Variants in ISM1 observed in about 807,000 individuals in gnomAD.
The protein encoded by ISM1 is isthmin-1.
A neutral mutation model predicts 46.3 loss-of-function variants in ISM1; 25 were observed. The observed-to-expected ratio is 0.54, with a 90% CI of 0.39 to 0.75. ISM1 has a LOEUF of 0.75. ISM1 is among the 30% of genes least tolerant of loss of function. ISM1 has a pLI of 0.00. For missense variants in ISM1, 536 were observed against 625.4 expected (o/e 0.86, Z 1.52); for synonymous variants, 255 against 256.7 (o/e 0.99, Z 0.06).
At chr20:13,323,404 A>C in the ISM1 span, among the ~76,000 whole-genome samples, 3 of 152,202 alleles carry the variant, frequency 2.0e-5, no homozygotes, top group Admixed American at 2.0e-4. Flanking sequence ...TGGATGAAAG[A>C]CTATTGAACC....
chr20:13,256,430 T>G (rs1274852051), intron 1 of ISM1, among the ~76,000 whole-genome samples: 1 of 149,766 alleles, frequency 6.7e-6, no homozygotes, highest in Admixed American at 6.6e-5. Context: ...ATCCTCTAGA[T>G]TATGCTTTGT....
intron 1 of ISM1, among the ~76,000 whole-genome samples, chr20:13,263,853 G>A (rs2040015443): frequency 6.6e-6 from 1 of 152,198 alleles, no homozygotes; most frequent in South Asian, 2.1e-4. Context: ...AAGGAGAGAG[G>A]CTGTAGTGAC....
At chr20:13,302,902 C>A (rs980835062), downstream of ISM1, among the ~76,000 whole-genome samples, 12 of 152,152 alleles carry the variant, frequency 7.9e-5, no homozygotes, top group Admixed American at 7.9e-4. Flanking sequence ...CATGTAACCG[C>A]CATGATTATA....
At chr20:13,238,233 T>C (rs893025465) in intron 1 of ISM1, 5 of 152,180 alleles carry the variant, frequency 3.3e-5, no homozygotes, top group Non-Finnish European at 7.4e-5. Context: ...CTGAGAGACT[T>C]CTACTGGACA....
At chr20:13,318,460 A>G in the ISM1 span, among the ~76,000 whole-genome samples, 1 of 152,226 alleles carries the variant, frequency 6.6e-6, no homozygotes, top group Non-Finnish European at 1.5e-5. Context: ...CATAGGATCC[A>G]ACAATTGTGC....
intron 1 of ISM1, among the ~76,000 whole-genome samples, chr20:13,262,502 A>G (rs1431007801): frequency 1.4e-5 from 2 of 144,082 alleles, no homozygotes; most frequent in Non-Finnish European, 3.0e-5. Flanking sequence ...CCACTCGTGT[A>G]CTCTGCTTCT....
chr20:13,280,779 G>A (rs6041986), intron 3 of ISM1, among the ~76,000 whole-genome samples: 6,369 of 152,276 alleles, frequency 0.042, 455 homozygotes, highest in African/African-American at 0.14. Flanking sequence ...TGCAAGGGAG[G>A]CTGGGAAATG....
intron 1 of ISM1, among the ~76,000 whole-genome samples, chr20:13,223,471 G>A (rs1301038050): frequency 6.6e-6 from 1 of 152,196 alleles, no homozygotes; most frequent in Non-Finnish European, 1.5e-5. Context: ...GAGGTACAGA[G>A]AGGTTAAAAA....
At chr20:13,224,841 CTTTTTTTTTTT>C (rs1162270732) in intron 1 of ISM1, among the ~76,000 whole-genome samples, 5 of 107,250 alleles carry the variant, frequency 4.7e-5, no homozygotes, top group South Asian at 3.1e-4. Context: ...AGCTTTCTTT[CTTTTTTTTTTT>C]TTTTTTTTTT....
intron 1 of ISM1, among the ~76,000 whole-genome samples, chr20:13,223,485 T>A (rs1280743508): frequency 1.3e-5 from 2 of 152,206 alleles, no homozygotes; most frequent in Non-Finnish European, 2.9e-5. Context: ...TTAAAAAACT[T>A]GTCAAAGTTC....
At chr20:13,316,828 A>ATACT in the ISM1 span, among the ~76,000 whole-genome samples, 1 of 151,930 alleles carries the variant, frequency 6.6e-6, no homozygotes, top group African/African-American at 2.4e-5. Flanking sequence ...CCGATAGTTA[A>ATACT]TACTTAGCGG....
intron 2 of ISM1, among the ~76,000 whole-genome samples, chr20:13,275,095 A>G (rs908101078): frequency 7.9e-5 from 12 of 152,250 alleles, no homozygotes; most frequent in Admixed American, 5.2e-4. Flanking sequence ...ACATTGGTTC[A>G]TTACTACACT....
At chr20:13,267,523 CTCT>C (rs966598952) in intron 1 of ISM1, among the ~76,000 whole-genome samples, 1 of 152,126 alleles carries the variant, frequency 6.6e-6, no homozygotes, top group Non-Finnish European at 1.5e-5. Flanking sequence ...GGGTACAGGG[CTCT>C]TCTTATTATC....
the ISM1 span, among the ~76,000 whole-genome samples, chr20:13,307,981 A>G: frequency 2.0e-5 from 3 of 152,134 alleles, no homozygotes; most frequent in Non-Finnish European, 4.4e-5. Flanking sequence ...GCTTTAGTTG[A>G]TACTGCCCAG....
At chr20:13,243,275 C>G (rs575693656) in intron 1 of ISM1, among the ~76,000 whole-genome samples, 3 of 152,164 alleles carry the variant, frequency 2.0e-5, no homozygotes, top group Non-Finnish European at 4.4e-5. Flanking sequence ...TCCATGCAGT[C>G]ATTCAGGGAC....
intron 1 of ISM1, among the ~76,000 whole-genome samples, chr20:13,230,611 G>A (rs1353197174): frequency 6.6e-6 from 1 of 152,002 alleles, no homozygotes; most frequent in Non-Finnish European, 1.5e-5. Context: ...GGTCCTCAAT[G>A]ACAGCTAAGA....
chr20:13,296,832 A>T (rs1013968089), intron 5 of ISM1, among the ~76,000 whole-genome samples: 1 of 152,182 alleles, frequency 6.6e-6, no homozygotes, highest in African/African-American at 2.4e-5. Flanking sequence ...AACCTGGCCA[A>T]TGTGGTGAAA....
chr20:13,247,520 GTGTGTGT>G (rs2039811832), intron 1 of ISM1, among the ~76,000 whole-genome samples: 4 of 85,356 alleles, frequency 4.7e-5, no homozygotes, highest in East Asian at 6.1e-4. Context: ...AGTGAGGGGT[GTGTGTGT>G]GTGTGTGTGT....
At chr20:13,234,679 T>G (rs1433401328) in intron 1 of ISM1, among the ~76,000 whole-genome samples, 1 of 152,248 alleles carries the variant, frequency 6.6e-6, no homozygotes, top group Non-Finnish European at 1.5e-5. Context: ...TCATTGTGGT[T>G]TTAATTTTTA....
Sources: gnomAD v4.1 joint callset for allele counts (sites outside exome capture counted in the v4.1 genomes callset) on GRCh38, gnomAD v4.1.1 for gene constraint, MANE v1.5 for transcripts, NCBI Gene and HGNC (gene_info 2026-07-23, HGNC 2026-07-21) for gene names.